Variants in EXOC6 observed in about 807,000 individuals in gnomAD.
EXOC6 encodes the protein SEC15-like 1.
A neutral mutation model predicts 112.5 loss-of-function variants in EXOC6; 60 were observed. That is an observed-to-expected ratio of 0.53 (90% CI 0.43 to 0.66). The LOEUF (loss-of-function observed/expected upper bound fraction) is 0.66. EXOC6 is among the 30% of genes least tolerant of loss of function. EXOC6 has a pLI of 0.00. For synonymous variants in EXOC6, 295 were observed against 308.0 expected (o/e 0.96, Z 0.44); for missense variants, 855 against 957.1 (o/e 0.89, Z 1.41).
At chr10:93,050,665 CAGG>C (rs1347213069) in intron 20 of EXOC6, among the ~76,000 whole-genome samples, 1 of 147,800 alleles carries the variant, frequency 6.8e-6, no homozygotes, top group African/African-American at 2.5e-5. Context: ...GAGGCTGAGG[CAGG>C]AGAACTGCTT....
intron 1 of EXOC6, among the ~76,000 whole-genome samples, chr10:92,886,540 C>T (rs1849227323): frequency 6.6e-6 from 1 of 152,186 alleles, no homozygotes; most frequent in Non-Finnish European, 1.5e-5. Context: ...GCATTCTATG[C>T]TGCTTATCAC....
At chr10:93,036,796 A>G (rs1280551529) in intron 20 of EXOC6, among the ~76,000 whole-genome samples, 2 of 152,236 alleles carry the variant, frequency 1.3e-5, no homozygotes, top group African/African-American at 4.8e-5. Context: ...CTTATTTACA[A>G]TATAAGCATT....
At chr10:92,839,203 A>G (rs940226019) in intron 1 of EXOC6, among the ~76,000 whole-genome samples, 5 of 152,118 alleles carry the variant, frequency 3.3e-5, no homozygotes, top group African/African-American at 1.2e-4. Flanking sequence ...TTGCAACCAC[A>G]GGCTAATTTC....
intron 20 of EXOC6, among the ~76,000 whole-genome samples, chr10:93,024,037 G>A (rs374926158): frequency 6.6e-6 from 1 of 152,014 alleles, no homozygotes. Flanking sequence ...AGCTTCTAAC[G>A]GCATATAATT....
intron 1 of EXOC6, among the ~76,000 whole-genome samples, chr10:92,868,857 G>T (rs534654380): frequency 1.4e-5 from 2 of 140,656 alleles, no homozygotes; most frequent in African/African-American, 5.3e-5. Flanking sequence ...CTAGAGACCA[G>T]GCTGGAGGGC....
intron 1 of EXOC6, among the ~76,000 whole-genome samples, chr10:92,867,241 T>C (rs529712164): frequency 2.4e-4 from 37 of 152,296 alleles, no homozygotes; most frequent in Admixed American, 6.5e-4. Flanking sequence ...AACCAAAGTC[T>C]CTTTTATCTT....
At chr10:93,001,508 C>T (rs933443052) in intron 19 of EXOC6, among the ~76,000 whole-genome samples, 2 of 152,168 alleles carry the variant, frequency 1.3e-5, no homozygotes, top group Non-Finnish European at 2.9e-5. Flanking sequence ...CACCACCAGT[C>T]TATATTGTGT....
At chr10:92,967,567 A>G (rs1842121161) in intron 17 of EXOC6, among the ~76,000 whole-genome samples, 1 of 152,350 alleles carries the variant, frequency 6.6e-6, no homozygotes, top group Non-Finnish European at 1.5e-5. Flanking sequence ...ATATCAATCT[A>G]AAGTTAACCA....
chr10:92,930,544 A>C (rs1020803457), intron 9 of EXOC6, among the ~76,000 whole-genome samples: 1 of 151,338 alleles, frequency 6.6e-6, no homozygotes, highest in African/African-American at 2.4e-5. Context: ...AAAGCTTGAA[A>C]TCATACAAAG....
At chr10:92,870,310 C>G (rs1406392546) in intron 1 of EXOC6, among the ~76,000 whole-genome samples, 1 of 152,104 alleles carries the variant, frequency 6.6e-6, no homozygotes, top group East Asian at 1.9e-4. Flanking sequence ...GAAGTATTCA[C>G]CAATACTGCT....
At chr10:92,884,862 T>A (rs1482672685) in intron 1 of EXOC6, among the ~76,000 whole-genome samples, 2 of 152,036 alleles carry the variant, frequency 1.3e-5, no homozygotes, top group Non-Finnish European at 2.9e-5. Flanking sequence ...TGGTTTTTCA[T>A]CAGAAAGGGA....
chr10:92,856,569 A>T (rs974770784), intron 1 of EXOC6, among the ~76,000 whole-genome samples: 1 of 152,124 alleles, frequency 6.6e-6, no homozygotes, highest in South Asian at 2.1e-4. Context: ...GTATGACTTC[A>T]GTTTATTTTA....
chr10:92,844,824 C>T (rs368329616), upstream of EXOC6, among the ~76,000 whole-genome samples: 9 of 152,200 alleles, frequency 5.9e-5, no homozygotes, highest in African/African-American at 1.9e-4. Flanking sequence ...ACTTGAAGAA[C>T]GTGAGCCTTA....
rs77154184 is a variant in EXOC6 at position 92,984,510 on chromosome 10, G to A, written c.1953+10278G>A. Among the ~76,000 whole-genome samples the A allele has an allele frequency of 3.1e-3, 472 of 151,854 alleles. 3 individuals are homozygous for A. Among genetic ancestry groups the A allele is most frequent in the African/African-American group, 0.011 (451 of 41,322 alleles). On this transcript the variant is annotated intron_variant, in intron 18 of 21. Coordinates refer to ENST00000260762, the MANE Select transcript of EXOC6 (RefSeq NM_019053.6). ...GTAGGAACTGTTTCTTGGATCCCAG[G>A]CTTCTTGTTTTTTTGTTTTGTTTTG...
At chr10:93,037,254 C>G (rs1338143254) in intron 20 of EXOC6, among the ~76,000 whole-genome samples, 1 of 151,612 alleles carries the variant, frequency 6.6e-6, no homozygotes, top group African/African-American at 2.4e-5. Flanking sequence ...GGTGATCCAC[C>G]TCAGCCTCCG....
At chr10:92,987,851 G>C (rs986182974) in intron 18 of EXOC6, among the ~76,000 whole-genome samples, 1 of 151,940 alleles carries the variant, frequency 6.6e-6, no homozygotes, top group African/African-American at 2.4e-5. Flanking sequence ...GATTGTAAAA[G>C]CACTGCACTC....
chr10:93,038,878 A>C (rs1265236522), intron 20 of EXOC6, among the ~76,000 whole-genome samples: 1 of 152,098 alleles, frequency 6.6e-6, no homozygotes, highest in African/African-American at 2.4e-5. Flanking sequence ...ATATGTACAC[A>C]CTCCGCACTT....
chr10:92,861,262 G>A (rs1322017529), intron 1 of EXOC6, among the ~76,000 whole-genome samples: 1 of 152,102 alleles, frequency 6.6e-6, no homozygotes, highest in East Asian at 1.9e-4. Flanking sequence ...CTAGATCTGG[G>A]GGCACGAACA....
At chr10:92,903,005 A>T (rs962213059) in intron 5 of EXOC6, among the ~76,000 whole-genome samples, 2 of 152,144 alleles carry the variant, frequency 1.3e-5, no homozygotes, top group Non-Finnish European at 1.5e-5. Context: ...AAATTAAGGT[A>T]CAAGTCTTTT....
Sources: allele counts gnomAD v4.1 joint callset (sites outside exome capture counted in the v4.1 genomes callset), GRCh38; gene constraint gnomAD v4.1.1; transcripts MANE v1.5; gene names NCBI Gene and HGNC (gene_info 2026-07-23, HGNC 2026-07-21).